The following GRID1 variants were observed in gnomAD, a reference collection of about 807,000 sequenced individuals.
GRID1 encodes glutamate receptor ionotropic, delta-1.
A neutral mutation model predicts 98.0 loss-of-function variants in GRID1; 28 were observed. The ratio of observed to expected loss-of-function variants is 0.29; its 90% confidence interval spans 0.21 to 0.39. The LOEUF (loss-of-function observed/expected upper bound fraction) is 0.39. Among genes scored for constraint, GRID1 ranks in the 10% least tolerant of loss-of-function variants. The pLI is 1.00. For missense variants in GRID1, 1,111 were observed against 1,340.5 expected (o/e 0.83, Z 2.67); for synonymous variants, 553 against 538.5 (o/e 1.03, Z -0.37).
At chr10:86,217,080 G>A (rs146429001) in intron 2 of GRID1, among the ~76,000 whole-genome samples, 4 of 152,138 alleles carry the variant, frequency 2.6e-5, no homozygotes, top group Admixed American at 6.5e-5. Flanking sequence ...TCACTGAACC[G>A]CATGGCCTCC....
intron 2 of GRID1, among the ~76,000 whole-genome samples, chr10:86,361,677 G>A (rs560055088): frequency 2.0e-5 from 3 of 152,220 alleles, no homozygotes; most frequent in African/African-American, 7.2e-5. Context: ...GGCTTGTACT[G>A]TGTTGTTTAC....
chr10:85,626,308 A>G (rs934149229), intron 13 of GRID1, among the ~76,000 whole-genome samples: 2 of 152,230 alleles, frequency 1.3e-5, no homozygotes, highest in African/African-American at 4.8e-5. Flanking sequence ...CCTGAGTTAC[A>G]TCTGGCTCCA....
intron 4 of GRID1, among the ~76,000 whole-genome samples, chr10:85,940,928 T>C (rs955311637): frequency 6.6e-6 from 1 of 152,172 alleles, no homozygotes; most frequent in African/African-American, 2.4e-5. Flanking sequence ...TCCAAGAGCT[T>C]CCTCAGAAGG....
chr10:85,857,323 C>A (rs1564611196), intron 6 of GRID1, among the ~76,000 whole-genome samples: 1 of 152,184 alleles, frequency 6.6e-6, no homozygotes, highest in Non-Finnish European at 1.5e-5. Context: ...GACACTACAG[C>A]ATTGGGGCCC....
intron 13 of GRID1, among the ~76,000 whole-genome samples, chr10:85,635,005 A>G (rs1179716644): frequency 1.1e-5 from 1 of 92,220 alleles, no homozygotes; most frequent in African/African-American, 4.6e-5. Context: ...TCTGAAAAAA[A>G]AAAAAAAAAA....
At chr10:86,069,597 G>A (rs1189180817) in intron 4 of GRID1, among the ~76,000 whole-genome samples, 4 of 152,108 alleles carry the variant, frequency 2.6e-5, no homozygotes, top group Non-Finnish European at 4.4e-5. Flanking sequence ...GCAGTGAGCC[G>A]AGATCGCACC....
chr10:85,922,996 C>T (rs1841726122), intron 4 of GRID1, among the ~76,000 whole-genome samples: 1 of 152,138 alleles, frequency 6.6e-6, no homozygotes, highest in Non-Finnish European at 1.5e-5. Context: ...CACCAGAAAA[C>T]TGCCCTGAAG....
chr10:85,790,457 C>A (rs1271426963), intron 8 of GRID1, among the ~76,000 whole-genome samples: 1 of 152,222 alleles, frequency 6.6e-6, no homozygotes, highest in East Asian at 1.9e-4. Context: ...GAGGAGACTG[C>A]AGGACAGGCA....
At chr10:86,291,346 G>A (rs2607833) in intron 2 of GRID1, among the ~76,000 whole-genome samples, 132,373 of 152,254 alleles carry the variant, frequency 0.87, 58,382 homozygotes, top group Non-Finnish European at 0.93. Context: ...CCCAGAGACC[G>A]TGTTAGGACC....
chr10:85,779,737 C>T (rs1842364940), intron 8 of GRID1, among the ~76,000 whole-genome samples: 1 of 152,148 alleles, frequency 6.6e-6, no homozygotes. Flanking sequence ...GAGTTTGCCC[C>T]TGAATGAGCA....
chr10:86,134,692 T>C (rs183949941), intron 4 of GRID1, among the ~76,000 whole-genome samples: 1 of 152,100 alleles, frequency 6.6e-6, no homozygotes, highest in South Asian at 2.1e-4. Flanking sequence ...CTGAATACAG[T>C]AGGGATCCCC....
chr10:85,955,056 C>T (rs1842171723), intron 4 of GRID1, among the ~76,000 whole-genome samples: 1 of 152,144 alleles, frequency 6.6e-6, no homozygotes, highest in Non-Finnish European at 1.5e-5. Flanking sequence ...TAAGACTCTT[C>T]CCAATGCTGG....
intron 2 of GRID1, among the ~76,000 whole-genome samples, chr10:86,259,660 G>C (rs759952424): frequency 1.9e-4 from 28 of 146,568 alleles, no homozygotes; most frequent in Non-Finnish European, 3.4e-4. Context: ...ACACATGTCT[G>C]TGTGTGTGTG....
intron 5 of GRID1, among the ~76,000 whole-genome samples, chr10:85,883,072 C>T (rs1011885966): frequency 5.3e-5 from 8 of 151,990 alleles, no homozygotes; most frequent in East Asian, 1.9e-4. Context: ...ATATGTAGGA[C>T]GTTTTCATTC....
intron 2 of GRID1, among the ~76,000 whole-genome samples, chr10:86,359,391 G>T (rs1848573813): frequency 6.6e-6 from 1 of 152,192 alleles, no homozygotes; most frequent in Non-Finnish European, 1.5e-5. Context: ...TACCAGTGTG[G>T]CCAGTGAGGG....
At chr10:85,865,955 GGAGAGAGA>G (rs11468652) in intron 6 of GRID1, among the ~76,000 whole-genome samples, 50,330 of 84,160 alleles carry the variant, frequency 0.6, 15,305 homozygotes, top group East Asian at 0.67. Context: ...ACATATATAT[GGAGAGAGA>G]GAGAGAGAGA....
At chr10:85,838,726 A>C (rs995942591) in intron 8 of GRID1, among the ~76,000 whole-genome samples, 2 of 152,206 alleles carry the variant, frequency 1.3e-5, no homozygotes, top group Admixed American at 6.5e-5. Flanking sequence ...GACACTATAA[A>C]GCAACCACAC....
intron 8 of GRID1, among the ~76,000 whole-genome samples, chr10:85,849,659 C>T (rs1000972833): frequency 1.3e-5 from 2 of 152,136 alleles, no homozygotes; most frequent in African/African-American, 2.4e-5. Context: ...GGGTCCTCTG[C>T]CAAGCCCCCT....
rs148462671 is a variant in GRID1, at chr10:86,236,364, G to A, written c.236-29716C>T. Among the ~76,000 whole-genome samples the A allele has an allele frequency of 1.6e-3, 236 of 152,256 alleles. 2 individuals are homozygous for A. The highest frequency in any genetic ancestry group is 5.6e-3 in the African/African-American group (231 of 41,540). On this transcript the variant is annotated intron_variant, in intron 2 of 15. Coordinates refer to ENST00000327946, the MANE Select transcript of GRID1 (RefSeq NM_017551.3). ...CTCTCAATGTCTTCACCTGCAAGTT[G>A]AAGTATGCCATAACACTTTACCATG...
Sources: gnomAD v4.1 joint callset for allele counts (sites outside exome capture counted in the v4.1 genomes callset) on GRCh38, gnomAD v4.1.1 for gene constraint, MANE v1.5 for transcripts, NCBI Gene and HGNC (gene_info 2026-07-23, HGNC 2026-07-21) for gene names.